The following DOCK1 variants were observed in gnomAD, a reference collection of about 807,000 sequenced individuals.
The protein encoded by DOCK1 is dedicator of cytokinesis 1.
A neutral mutation model predicts 262.7 loss-of-function variants in DOCK1; 138 were observed. That is an observed-to-expected ratio of 0.53 (90% confidence interval 0.46 to 0.61). DOCK1 has a LOEUF of 0.61. Among genes scored for constraint, DOCK1 ranks in the 20% least tolerant of loss-of-function variants. DOCK1 has a pLI of 0.00. For synonymous variants in DOCK1, 866 were observed against 867.4 expected (o/e 1.00, Z 0.03); for missense variants, 1,908 against 2,370.7 (o/e 0.80, Z 4.05).
intron 26 of DOCK1, among the ~76,000 whole-genome samples, chr10:127,126,063 G>T (rs1232691455): frequency 6.7e-6 from 1 of 149,990 alleles, no homozygotes; most frequent in African/African-American, 2.5e-5. Flanking sequence ...TCAGTGCTTT[G>T]CTTTTGTAGC....
intron 32 of DOCK1, among the ~76,000 whole-genome samples, chr10:127,355,059 T>C (rs2064075887): frequency 6.6e-6 from 1 of 152,122 alleles, no homozygotes; most frequent in Admixed American, 6.5e-5. Context: ...AGGAAGCTCA[T>C]CCTGCTGTGA....
At position 127,176,029 on chromosome 10, in the gene DOCK1, T is replaced by G; in HGVS notation, c.2847+48265T>G. The G allele has an allele frequency of 6.2e-7, 1 of 1,614,188 alleles. No homozygotes were observed. Among genetic ancestry groups the G allele is most frequent in the South Asian group, 1.1e-5 (1 of 91,082 alleles). ...GGGAGGCTTTTGAGGTTCCCCTTTT[T>G]GCGGTCCAGAGGGAACGTCTGGTAA... On this transcript the variant is annotated intron_variant, in intron 27 of 51. Transcript: ENST00000623213. The surrounding 1 kb of genome is among the most constrained non-coding windows in gnomAD (Gnocchi z 4.4).
At chr10:127,248,339 G>A (rs1189421444) in intron 28 of DOCK1, among the ~76,000 whole-genome samples, 1 of 152,204 alleles carries the variant, frequency 6.6e-6, no homozygotes, top group African/African-American at 2.4e-5. Flanking sequence ...CTCAGGGGCT[G>A]AGCCCAGGGA....
At chr10:127,058,504 G>A (rs2045321945) in intron 22 of DOCK1, among the ~76,000 whole-genome samples, 1 of 151,774 alleles carries the variant, frequency 6.6e-6, no homozygotes, top group Non-Finnish European at 1.5e-5. Flanking sequence ...TTTATATATA[G>A]TGTAATTAAG....
intron 1 of DOCK1, among the ~76,000 whole-genome samples, chr10:126,931,415 G>A (rs1286482394): frequency 6.6e-6 from 1 of 152,186 alleles, no homozygotes. Flanking sequence ...CTGTCTTGGA[G>A]CAGTGGGTGG....
chr10:127,197,122 G>T (rs2134190827), intron 27 of DOCK1, among the ~76,000 whole-genome samples: 2 of 152,250 alleles, frequency 1.3e-5, no homozygotes, highest in East Asian at 3.9e-4. Flanking sequence ...TCTACATGGG[G>T]ACAGGAGGTC....
intron 29 of DOCK1, among the ~76,000 whole-genome samples, chr10:127,280,917 C>G (rs1358907517): frequency 6.6e-6 from 1 of 152,142 alleles, no homozygotes; most frequent in Non-Finnish European, 1.5e-5. Flanking sequence ...ATCACGTCAG[C>G]CCATGGTCCA....
chr10:127,221,185 G>A (rs1253916963), intron 27 of DOCK1, among the ~76,000 whole-genome samples: 1 of 152,202 alleles, frequency 6.6e-6, no homozygotes, highest in Non-Finnish European at 1.5e-5. Flanking sequence ...AATTGGATGT[G>A]GGTGGAACCA....
chr10:127,121,071 G>C (rs12261681), intron 25 of DOCK1, among the ~76,000 whole-genome samples: 3 of 151,990 alleles, frequency 2.0e-5, no homozygotes, highest in Non-Finnish European at 4.4e-5. Flanking sequence ...CAGCAGGGGG[G>C]ATTGCATTAT....
At chr10:127,168,365 T>C (rs556976656) in intron 27 of DOCK1, among the ~76,000 whole-genome samples, 3 of 152,048 alleles carry the variant, frequency 2.0e-5, no homozygotes, top group Non-Finnish European at 4.4e-5. Flanking sequence ...AAATAGGGAG[T>C]GCTAAGGCAC....
rs1186648933 is a variant in DOCK1 at position 127,100,725 on chromosome 10, C to T, written c.2446-5506C>T. ...GTGGCCACCCTGGGAGTGAGGGCCACGCGTGCCCCAGAGGTGAGGTGGCCA... is the reference window on the plus strand; with the variant it reads ...GTGGCCACCCTGGGAGTGAGGGCCATGCGTGCCCCAGAGGTGAGGTGGCCA... On this transcript the variant is annotated intron_variant, in intron 23 of 51. Transcript: ENST00000623213. The surrounding 1 kb of genome is among the most constrained non-coding windows in gnomAD (Gnocchi z 5.5). Among the ~76,000 whole-genome samples, 5 of 152,040 alleles carry T rather than the reference C, an allele frequency of 3.3e-5. No homozygotes were observed. Among genetic ancestry groups the T allele is most frequent in the South Asian group, 2.1e-4 (1 of 4,818 alleles).
intron 18 of DOCK1, among the ~76,000 whole-genome samples, chr10:127,037,015 T>A (rs2043679233): frequency 1.3e-5 from 2 of 148,422 alleles, no homozygotes. Context: ...AATATCTTGA[T>A]GCCTTAAACA....
chr10:127,396,355 C>G (rs2066844639), intron 38 of DOCK1, among the ~76,000 whole-genome samples: 2 of 152,206 alleles, frequency 1.3e-5, no homozygotes, highest in African/African-American at 4.8e-5. Flanking sequence ...AGTCTGCACT[C>G]TCCCTTTGCA....
At chr10:127,217,552 AAC>A (rs1174978622) in intron 27 of DOCK1, among the ~76,000 whole-genome samples, 1 of 152,206 alleles carries the variant, frequency 6.6e-6, no homozygotes, top group Admixed American at 6.5e-5. Context: ...GAGTTCACTT[AAC>A]AGTTTCTTAT....
intron 23 of DOCK1, among the ~76,000 whole-genome samples, chr10:127,094,377 G>C (rs2047773196): frequency 6.6e-6 from 1 of 152,170 alleles, no homozygotes. Flanking sequence ...GAAGGGGTAT[G>C]CCTGCGGGTG....
chr10:126,955,824 C>T (rs1733174945), intron 1 of DOCK1, among the ~76,000 whole-genome samples: 2 of 152,116 alleles, frequency 1.3e-5, no homozygotes, highest in African/African-American at 4.8e-5. Flanking sequence ...TTTTTGGGTG[C>T]TCTCTAGGGA....
chr10:126,941,273 T>C (rs895399895), intron 1 of DOCK1, among the ~76,000 whole-genome samples: 8 of 152,236 alleles, frequency 5.3e-5, no homozygotes, highest in Non-Finnish European at 1.0e-4. Flanking sequence ...CCTGTGGTTA[T>C]GAGAGGAGAT....
At chr10:127,206,285 A>G (rs2057719734) in intron 27 of DOCK1, among the ~76,000 whole-genome samples, 1 of 151,782 alleles carries the variant, frequency 6.6e-6, no homozygotes, top group South Asian at 2.1e-4. Context: ...CTGGAATTAC[A>G]GGCACCCGCC....
chr10:126,907,087 C>A (rs2031004672), intron 1 of DOCK1, among the ~76,000 whole-genome samples: 1 of 152,230 alleles, frequency 6.6e-6, no homozygotes, highest in East Asian at 1.9e-4. Flanking sequence ...CTAATGGATT[C>A]AGTCTGGGGC....
Sources: allele counts gnomAD v4.1 joint callset (sites outside exome capture counted in the v4.1 genomes callset), GRCh38; gene constraint gnomAD v4.1.1; non-coding constraint Gnocchi (gnomAD v3.1); transcripts MANE v1.5; gene names NCBI Gene and HGNC (gene_info 2026-07-23, HGNC 2026-07-21).